Variants in PDE12 observed in about 807,000 individuals in gnomAD.
PDE12 encodes 2',5'-phosphodiesterase 12.
PDE12 carries 26 observed loss-of-function variants against 45.4 expected under a neutral mutation model. The observed-to-expected ratio is 0.57, with a 90% CI of 0.42 to 0.79. The LOEUF is 0.79. Ranked by LOEUF, PDE12 falls within the 30% of genes least tolerant of loss-of-function variation. The pLI is 0.00. For synonymous variants in PDE12, 283 were observed against 323.9 expected, an observed-to-expected ratio of 0.87 and a Z score of 1.36; for missense variants, 668 against 790.0, an observed-to-expected ratio of 0.85 and a Z score of 1.85.
chr3:57,655,295 A>C, the PDE12 span, among the ~76,000 whole-genome samples: 75 of 152,322 alleles, frequency 4.9e-4, no homozygotes, highest in African/African-American at 1.7e-3. Context: ...GGCCTCCCAA[A>C]GTGCTGGGAT....
downstream of PDE12, chr3:57,571,479 C>T (rs1255592589): frequency 1.3e-5 from 2 of 152,498 alleles, no homozygotes; most frequent in Admixed American, 1.3e-4. Context: ...GCCCAATAAA[C>T]AAAACATCAG....
At chr3:57,593,063 C>T in the PDE12 span, among the ~76,000 whole-genome samples, 2 of 152,048 alleles carry the variant, frequency 1.3e-5, no homozygotes, top group East Asian at 1.9e-4. Context: ...AAAAATTAGC[C>T]GGGCATAGTG....
At chr3:57,640,113 A>G in the PDE12 span, among the ~76,000 whole-genome samples, 42 of 151,880 alleles carry the variant, frequency 2.8e-4, no homozygotes, top group Non-Finnish European at 1.5e-5. Context: ...TACTAAAAAT[A>G]CAAAAATTAG....
the PDE12 span, among the ~76,000 whole-genome samples, chr3:57,623,312 T>C: frequency 2.6e-5 from 4 of 152,278 alleles, no homozygotes; most frequent in East Asian, 7.7e-4. Context: ...CCAGAGCCTT[T>C]GATTATAAAA....
chr3:57,597,193 C>T, the PDE12 span: 2 of 1,540,756 alleles, frequency 1.3e-6, no homozygotes, highest in South Asian at 1.1e-5. Context: ...GGGGCGACCC[C>T]GTGCTTTCTC....
chr3:57,611,990 C>T, the PDE12 span, among the ~76,000 whole-genome samples: 1 of 151,958 alleles, frequency 6.6e-6, no homozygotes, highest in Non-Finnish European at 1.5e-5. Context: ...TGGAACCAAC[C>T]CAAATGTCCA....
the PDE12 span, among the ~76,000 whole-genome samples, chr3:57,603,068 G>A: frequency 3.3e-5 from 5 of 151,794 alleles, no homozygotes; most frequent in African/African-American, 1.2e-4. Flanking sequence ...TCAGCAGGCT[G>A]AGGCAGGAGA....
At chr3:57,641,298 T>C in the PDE12 span, among the ~76,000 whole-genome samples, 1 of 143,764 alleles carries the variant, frequency 7.0e-6, no homozygotes, top group Non-Finnish European at 1.5e-5. Flanking sequence ...ATATTATATA[T>C]TTAAATATAT....
chr3:57,556,310 T>C lies in PDE12; in HGVS notation c.-70T>C, dbSNP rs1575770133. On this transcript the variant is annotated 5_prime_UTR_variant, in exon 1 of 3. Transcript: ENST00000311180. This position sits in a 1 kb window ranked among gnomAD's most constrained non-coding sequence, Gnocchi z 5.0. ...ATGAGTCAAAGCCGGCGGCCTCGGCTCCTCAGCTCCACCTGACAGTAGGCC... is the reference window on the plus strand; with the variant it reads ...ATGAGTCAAAGCCGGCGGCCTCGGCCCCTCAGCTCCACCTGACAGTAGGCC... 5 of 1,444,874 alleles carry C rather than the reference T, an allele frequency of 3.5e-6. No homozygotes were observed. The highest frequency in any genetic ancestry group is 2.7e-5 in the South Asian group (2 of 72,824). 89.5% of individuals were successfully genotyped at this position (1,444,874 alleles called of 1,614,324 possible). A position where few individuals can be genotyped will look rare whatever the true frequency, so the allele number is the denominator to read the frequency against.
At chr3:57,581,903 G>C in the PDE12 span, among the ~76,000 whole-genome samples, 1 of 152,218 alleles carries the variant, frequency 6.6e-6, no homozygotes, top group Non-Finnish European at 1.5e-5. Context: ...ATACATGTGA[G>C]TTTATTATGC....
At chr3:57,629,162 C>T in the PDE12 span, among the ~76,000 whole-genome samples, 25 of 152,266 alleles carry the variant, frequency 1.6e-4, no homozygotes, top group African/African-American at 5.5e-4. Flanking sequence ...AACAAAATTG[C>T]AGCTCAAACT....
At chr3:57,591,344 T>A in the PDE12 span, among the ~76,000 whole-genome samples, 1 of 152,064 alleles carries the variant, frequency 6.6e-6, no homozygotes, top group South Asian at 2.1e-4. Flanking sequence ...ATCCATACAA[T>A]GTAATTACTA....
chr3:57,568,199 C>T (rs2069803761), downstream of PDE12, among the ~76,000 whole-genome samples: 1 of 151,788 alleles, frequency 6.6e-6, no homozygotes, highest in Non-Finnish European at 1.5e-5. Context: ...CAGAGTGGCT[C>T]ATACCTGTAA....
the PDE12 span, among the ~76,000 whole-genome samples, chr3:57,635,950 C>G: frequency 6.6e-6 from 1 of 152,274 alleles, no homozygotes; most frequent in East Asian, 1.9e-4. Context: ...TCCACTTCCA[C>G]TTAATGAACA....
At chr3:57,646,250 C>A in the PDE12 span, 5 of 1,544,478 alleles carry the variant, frequency 3.2e-6, no homozygotes, top group South Asian at 4.9e-5. Flanking sequence ...CTGCAAATAT[C>A]ACCAACAGGT....
chr3:57,630,954 G>C, the PDE12 span: 1 of 1,613,208 alleles, frequency 6.2e-7, no homozygotes, highest in Non-Finnish European at 8.5e-7. Flanking sequence ...TTCTGCAAAG[G>C]CATCAAGCTT....
the PDE12 span, among the ~76,000 whole-genome samples, chr3:57,638,097 G>A: frequency 2.6e-5 from 4 of 152,004 alleles, no homozygotes; most frequent in East Asian, 1.9e-4. Context: ...TCATGCCACC[G>A]TACTCCAGCC....
At chr3:57,651,194 G>C in the PDE12 span, among the ~76,000 whole-genome samples, 20 of 152,178 alleles carry the variant, frequency 1.3e-4, no homozygotes, top group Non-Finnish European at 5.9e-5. Context: ...AAAGCAGTAC[G>C]CATTCAGTAT....
chr3:57,632,330 CT>C, the PDE12 span, among the ~76,000 whole-genome samples: 38 of 146,394 alleles, frequency 2.6e-4, no homozygotes, highest in Middle Eastern at 3.5e-3. Context: ...AGTCCATGCT[CT>C]TTTTTTTTTT....
Sources: allele counts gnomAD v4.1 joint callset (sites outside exome capture counted in the v4.1 genomes callset), GRCh38; gene constraint gnomAD v4.1.1; non-coding constraint Gnocchi (gnomAD v3.1); transcripts MANE v1.5; gene names NCBI Gene and HGNC (gene_info 2026-07-23, HGNC 2026-07-21).